Variants in TRAPPC9 observed in about 807,000 individuals in gnomAD.
The protein encoded by TRAPPC9 is IKK2 binding protein.
TRAPPC9 carries 83 observed loss-of-function variants against 124.0 expected under a neutral mutation model. That is an observed-to-expected ratio of 0.67 (90% CI 0.56 to 0.80). The LOEUF (loss-of-function observed/expected upper bound fraction) is 0.80, where lower values mean the gene tolerates loss of function less well. Among genes scored for constraint, TRAPPC9 ranks in the 30% least tolerant of loss-of-function variants. The pLI, the probability that TRAPPC9 is intolerant of heterozygous loss-of-function variation, is 0.00. For synonymous variants in TRAPPC9, 638 were observed against 617.5 expected (o/e 1.03, Z -0.49); for missense variants, 1,302 against 1,508.3 (o/e 0.86, Z 2.27).
chr8:140,359,324 G>C (rs1186105971), intron 9 of TRAPPC9, among the ~76,000 whole-genome samples: 2 of 152,166 alleles, frequency 1.3e-5, no homozygotes, highest in African/African-American at 4.8e-5. Flanking sequence ...GCCAGGGCCA[G>C]GGGTACAAGG....
Position 140,035,797 on chromosome 8 carries a change from G to A in TRAPPC9, c.2557-11718C>T, listed in dbSNP as rs147957959. On this transcript the variant is annotated intron_variant, in intron 17 of 22. Coordinates refer to ENST00000438773, the MANE Select transcript of TRAPPC9 (RefSeq NM_001160372.4). ...GAATCGGCCTGAAGAAGCGTCTTTC[G>A]ATGCCTTGCTCCACGTGAGCCCACA... 2.5e-4 allele frequency among the ~76,000 whole-genome samples: 38 copies of A among 152,282 alleles called. No individual in the cohort carries two copies. In the East Asian group the frequency reaches 4.1e-3, roughly 16 times the overall value.
chr8:139,841,066 T>A (rs1419998208), intron 21 of TRAPPC9, among the ~76,000 whole-genome samples: 1 of 152,184 alleles, frequency 6.6e-6, no homozygotes, highest in Non-Finnish European at 1.5e-5. Flanking sequence ...AAAATCAGGA[T>A]GCTGGCAGGA....
At chr8:139,774,671 T>C (rs947270568) in intron 21 of TRAPPC9, among the ~76,000 whole-genome samples, 6 of 152,188 alleles carry the variant, frequency 3.9e-5, no homozygotes, top group African/African-American at 1.4e-4. Context: ...CTCCACAACA[T>C]TTCCCGGAGG....
chr8:139,945,246 G>A (rs1305499267), intron 19 of TRAPPC9, among the ~76,000 whole-genome samples: 2 of 152,092 alleles, frequency 1.3e-5, no homozygotes, highest in African/African-American at 2.4e-5. Flanking sequence ...TGGAGTGAAC[G>A]GATTGCAAAA....
At chr8:140,457,615 G>A (rs902436973) in intron 1 of TRAPPC9, 24 bp downstream of exon 1, 1 of 985,658 alleles carries the variant, frequency 1.0e-6, no homozygotes, top group East Asian at 1.1e-4. Flanking sequence ...TGCCTGACCG[G>A]GAGCCCCCCC....
intron 17 of TRAPPC9, among the ~76,000 whole-genome samples, chr8:140,055,128 C>A (rs1201934781): frequency 1.3e-5 from 2 of 152,136 alleles, no homozygotes; most frequent in African/African-American, 2.4e-5. Flanking sequence ...AACATGGACG[C>A]AAAAATCACC....
At chr8:139,999,069 G>A (rs1460217854) in intron 18 of TRAPPC9, among the ~76,000 whole-genome samples, 2 of 151,784 alleles carry the variant, frequency 1.3e-5, no homozygotes, top group African/African-American at 4.8e-5. Context: ...ACAACAGAGT[G>A]AATAAACAAA....
chr8:140,426,568 G>A (rs768231800), intron 5 of TRAPPC9, 47 bp downstream of exon 5: 152 of 1,574,294 alleles, frequency 9.7e-5, no homozygotes, highest in Non-Finnish European at 1.3e-4. Context: ...CATGAAACAA[G>A]CACTTAAAAA....
At chr8:139,992,760 T>C (rs532911461) in intron 18 of TRAPPC9, among the ~76,000 whole-genome samples, 7 of 151,294 alleles carry the variant, frequency 4.6e-5, no homozygotes, top group Non-Finnish European at 1.0e-4. Flanking sequence ...AGCAGACCCA[T>C]GAATATAAGG....
rs573409641 is a variant in TRAPPC9, at chr8:139,905,745, A to G, written c.2964+4402T>C. Among the ~76,000 whole-genome samples, 9 of 152,206 alleles carry G rather than the reference A, an allele frequency of 5.9e-5. No homozygotes were observed. In the East Asian group the frequency reaches 1.2e-3, roughly 20 times the overall value. On this transcript the variant is annotated intron_variant, in intron 20 of 22. Transcript: ENST00000438773. Reference sequence around the variant, plus strand: ...AGCAGCCACACAAGAAGTGGTTTTCATAGTCATAATAATAAGAATGATAAA... The same window carrying G: ...AGCAGCCACACAAGAAGTGGTTTTCGTAGTCATAATAATAAGAATGATAAA...
intron 17 of TRAPPC9, chr8:140,100,243 G>T (rs939571065): frequency 6.6e-6 from 1 of 151,434 alleles, no homozygotes; most frequent in Non-Finnish European, 1.5e-5. Flanking sequence ...GCAGCCTTCC[G>T]CAGGGGAGAT....
At chr8:140,030,385 C>A (rs186546083) in intron 17 of TRAPPC9, among the ~76,000 whole-genome samples, 1 of 152,320 alleles carries the variant, frequency 6.6e-6, no homozygotes, top group East Asian at 1.9e-4. Context: ...CCTAAGAAAT[C>A]TACTGGAACT....
chr8:140,388,687 A>T (rs1217188159), intron 7 of TRAPPC9, among the ~76,000 whole-genome samples: 1 of 151,770 alleles, frequency 6.6e-6, no homozygotes, highest in Non-Finnish European at 1.5e-5. Flanking sequence ...ATCTCAAAAA[A>T]AAATACAAAA....
intron 6 of TRAPPC9, among the ~76,000 whole-genome samples, chr8:140,399,962 T>C (rs543254230): frequency 6.6e-6 from 1 of 152,280 alleles, no homozygotes; most frequent in African/African-American, 2.4e-5. Flanking sequence ...CCCATACTGT[T>C]CTTGTGGTAG....
In TRAPPC9 at chr8:139,728,508, C is replaced by T. The variant is rs1817662868; in HGVS notation, c.*2553G>A. Among the ~76,000 whole-genome samples, 1 of 152,182 alleles carries T rather than the reference C, an allele frequency of 6.6e-6. No homozygotes were observed. Among genetic ancestry groups the T allele is most frequent in the Non-Finnish European group, 1.5e-5 (1 of 68,032 alleles). On this transcript the variant is annotated 3_prime_UTR_variant, in exon 23 of 23. Transcript: ENST00000438773. Reference sequence around the variant, plus strand: ...CTGCGCTGTCACTGAGACACCTGCCCCAGGTCCTCCATCTCAGCCACTGCC... The same window carrying T: ...CTGCGCTGTCACTGAGACACCTGCCTCAGGTCCTCCATCTCAGCCACTGCC...
intron 20 of TRAPPC9, among the ~76,000 whole-genome samples, chr8:139,909,604 G>A (rs1189092561): frequency 1.3e-5 from 2 of 152,220 alleles, no homozygotes; most frequent in South Asian, 2.1e-4. Context: ...CAAAGTGCTC[G>A]GTCAGTCAGT....
At chr8:139,944,554 C>A (rs1384262794) in intron 19 of TRAPPC9, among the ~76,000 whole-genome samples, 4 of 151,972 alleles carry the variant, frequency 2.6e-5, no homozygotes, top group African/African-American at 4.8e-5. Context: ...GTATTGTAAT[C>A]CCAACAGCAA....
At chr8:140,414,709 T>G (rs1330634928) in intron 5 of TRAPPC9, among the ~76,000 whole-genome samples, 1 of 151,992 alleles carries the variant, frequency 6.6e-6, no homozygotes, top group Non-Finnish European at 1.5e-5. Flanking sequence ...AACCAATGGG[T>G]CAAAGAAGAA....
chr8:140,016,760 G>C (rs1839491270), intron 18 of TRAPPC9, among the ~76,000 whole-genome samples: 2 of 152,150 alleles, frequency 1.3e-5, no homozygotes, highest in African/African-American at 4.8e-5. Context: ...ATACTTGCAG[G>C]AGTCTTTTTG....
Sources: allele counts gnomAD v4.1 joint callset (sites outside exome capture counted in the v4.1 genomes callset), GRCh38; gene constraint gnomAD v4.1.1; transcripts MANE v1.5; gene names NCBI Gene and HGNC (gene_info 2026-07-23, HGNC 2026-07-21).